The following DCC variants were observed in gnomAD, a reference collection of about 807,000 sequenced individuals.
DCC encodes DCC netrin 1 receptor.
Under a neutral mutation model 172.5 loss-of-function variants are expected in DCC, and 58 were observed. The ratio of observed to expected loss-of-function variants is 0.34; its 90% CI spans 0.27 to 0.42. The LOEUF (loss-of-function observed/expected upper bound fraction) is 0.42, where lower values mean the gene tolerates loss of function less well. Among genes scored for constraint, DCC ranks in the 10% least tolerant of loss-of-function variants. DCC has a pLI of 1.00. For missense variants in DCC, 1,740 were observed against 1,791.0 expected, an observed-to-expected ratio of 0.97 and a Z score of 0.51; for synonymous variants, 709 against 644.5, an observed-to-expected ratio of 1.10 and a Z score of -1.52.
intron 1 of DCC, among the ~76,000 whole-genome samples, chr18:52,464,533 G>A (rs988530719): frequency 2.0e-5 from 3 of 152,206 alleles, no homozygotes; most frequent in Admixed American, 6.5e-5. Context: ...AGGATAGGGA[G>A]CAACGCAAAG....
intron 1 of DCC, among the ~76,000 whole-genome samples, chr18:52,619,565 A>G (rs2034443804): frequency 6.6e-6 from 1 of 152,194 alleles, no homozygotes; most frequent in African/African-American, 2.4e-5. Flanking sequence ...TGTTCTTTGG[A>G]TGCAGTTGTT....
At chr18:52,347,617 G>A (rs1983934728) in intron 1 of DCC, among the ~76,000 whole-genome samples, 1 of 152,084 alleles carries the variant, frequency 6.6e-6, no homozygotes, top group Non-Finnish European at 1.5e-5. Flanking sequence ...TAGTTTTGAT[G>A]TTAAGACATA....
chr18:53,217,785 C>T (rs746694028), intron 12 of DCC, among the ~76,000 whole-genome samples: 95 of 151,972 alleles, frequency 6.3e-4, no homozygotes, highest in Non-Finnish European at 5.4e-4. Context: ...TAAAAAGAAA[C>T]ATTATAGTTG....
intron 9 of DCC, among the ~76,000 whole-genome samples, chr18:53,198,452 T>A (rs80243365): frequency 7.1e-6 from 1 of 141,460 alleles, no homozygotes; most frequent in African/African-American, 2.6e-5. Context: ...TCTCTCTCTC[T>A]CTCACACACA....
At chr18:52,853,880 G>A (rs1175513079) in intron 2 of DCC, among the ~76,000 whole-genome samples, 1 of 152,180 alleles carries the variant, frequency 6.6e-6, no homozygotes, top group Admixed American at 6.5e-5. Flanking sequence ...AGGAGTCCCA[G>A]CCTTCAGGGT....
At chr18:53,451,713 C>T (rs1465112777) in intron 23 of DCC, among the ~76,000 whole-genome samples, 2 of 150,098 alleles carry the variant, frequency 1.3e-5, no homozygotes, top group African/African-American at 4.9e-5. Flanking sequence ...CGCTCTTGCT[C>T]TCTCTCTCTC....
chr18:52,678,511 C>T (rs866329251), intron 1 of DCC, among the ~76,000 whole-genome samples: 3 of 152,082 alleles, frequency 2.0e-5, no homozygotes, highest in Non-Finnish European at 2.9e-5. Flanking sequence ...AACTCTAGCT[C>T]GTAAGATTTA....
At position 52,738,900 on chromosome 18, in the gene DCC, TAAA is replaced by T. The variant is rs59182653; in HGVS notation, c.92-13138_92-13136del. ...GTGCACACTACCACATCTGGCTATT[TAAA>T]AAAAAAAAAAAAAAAGAATGTTTTT... On this transcript the variant is annotated intron_variant, in intron 1 of 28. Coordinates refer to ENST00000442544, the MANE Select transcript of DCC (RefSeq NM_005215.4). 7.4e-3 allele frequency among the ~76,000 whole-genome samples: 1,052 copies of T among 141,340 alleles called. 1 individual carries two copies. The highest frequency in any genetic ancestry group is 9.8e-3 in the Non-Finnish European group (645 of 65,704). 92.7% of individuals were successfully genotyped at this position (141,340 alleles called of 152,430 possible). A position where few individuals can be genotyped will look rare whatever the true frequency, so the allele number is the denominator to read the frequency against.
intron 1 of DCC, among the ~76,000 whole-genome samples, chr18:52,407,472 A>G (rs998325188): frequency 2.0e-5 from 3 of 152,180 alleles, no homozygotes; most frequent in Admixed American, 2.0e-4. Flanking sequence ...TCATACTCCA[A>G]TTACTTCCTT....
chr18:52,776,337 TTA>T (rs1260080772), intron 2 of DCC, among the ~76,000 whole-genome samples: 1 of 152,054 alleles, frequency 6.6e-6, no homozygotes, highest in Non-Finnish European at 1.5e-5. Flanking sequence ...TATTTATAAC[TTA>T]TAGTTTTAAA....
At chr18:53,302,299 C>A (rs2057151288) in intron 12 of DCC, among the ~76,000 whole-genome samples, 2 of 152,092 alleles carry the variant, frequency 1.3e-5, no homozygotes, top group African/African-American at 2.4e-5. Flanking sequence ...ATCTGAGTAA[C>A]AAACATGACA....
In DCC at chr18:53,322,129, T is replaced by C. The variant is rs1442629246; in HGVS notation, c.2136T>C (p.Thr712=). The change falls in exon 14 of 29, where the codon ACT becomes ACC. Residue 712 remains threonine (T), a synonymous_variant. Transcript: ENST00000442544. ...CTGGACCACCTTCCAACTGGTATAC[T>C]GCAGAGACTCCAGAGAATGATCTAG... ...NGTGPPSNWY[T]AETPENDLDE... 1.3e-6 allele frequency: 2 copies of C among 1,581,652 alleles called. No individual in the cohort carries two copies. Among genetic ancestry groups the C allele is most frequent in the Non-Finnish European group, 1.7e-6 (2 of 1,150,464 alleles).
intron 2 of DCC, chr18:52,757,053 G>T (rs1415832918): frequency 6.6e-6 from 1 of 152,088 alleles, no homozygotes; most frequent in Non-Finnish European, 1.5e-5. Flanking sequence ...AACACAAACT[G>T]GCAAGCCTGA....
At chr18:52,985,985 T>C (rs998909287) in intron 5 of DCC, among the ~76,000 whole-genome samples, 2 of 152,226 alleles carry the variant, frequency 1.3e-5, no homozygotes, top group Non-Finnish European at 2.9e-5. Context: ...TTGGCTGTTC[T>C]CTTGGGTTAC....
intron 1 of DCC, among the ~76,000 whole-genome samples, chr18:52,524,601 A>C (rs1417019731): frequency 1.3e-5 from 2 of 152,186 alleles, no homozygotes; most frequent in Non-Finnish European, 2.9e-5. Flanking sequence ...TCTGACAATT[A>C]TATTTCAATA....
chr18:52,497,649 C>T (rs2030855443), intron 1 of DCC, among the ~76,000 whole-genome samples: 1 of 152,000 alleles, frequency 6.6e-6, no homozygotes. Context: ...GTAGTAGGTG[C>T]TGCTTATGTA....
intron 19 of DCC, among the ~76,000 whole-genome samples, chr18:53,409,446 T>C (rs1909859375): frequency 6.6e-6 from 1 of 152,182 alleles, no homozygotes; most frequent in African/African-American, 2.4e-5. Flanking sequence ...CTATGTTATA[T>C]AGATAGCATT....
At chr18:52,915,313 G>C (rs766502281) in intron 3 of DCC, among the ~76,000 whole-genome samples, 1 of 152,078 alleles carries the variant, frequency 6.6e-6, no homozygotes, top group African/African-American at 2.4e-5. Context: ...TAATTGTAAG[G>C]AGTGTTTAGG....
At chr18:53,379,547 C>T (rs1907561792) in intron 15 of DCC, among the ~76,000 whole-genome samples, 1 of 152,138 alleles carries the variant, frequency 6.6e-6, no homozygotes, top group Non-Finnish European at 1.5e-5. Context: ...TCAGGGAAGC[C>T]TCAAAAAAAG....
Sources: gnomAD v4.1 joint callset for allele counts (sites outside exome capture counted in the v4.1 genomes callset) on GRCh38, gnomAD v4.1.1 for gene constraint, MANE v1.5 for transcripts, NCBI Gene and HGNC (gene_info 2026-07-23, HGNC 2026-07-21) for gene names.